Variants in CUX2 observed in about 807,000 individuals in gnomAD.
CUX2 encodes the protein homeobox protein cut-like 2.
In CUX2, 40 loss-of-function variants were observed where a neutral mutation model predicts 144.8. That is an observed-to-expected ratio of 0.28 (90% CI 0.21 to 0.36). The LOEUF is 0.36. Among genes scored for constraint, CUX2 ranks in the 10% least tolerant of loss-of-function variants. The probability of loss-of-function intolerance (pLI) is 1.00; values close to 1 mark genes in which losing one functional copy is unlikely to be tolerated. For missense variants in CUX2, 1,615 were observed against 1,994.0 expected (o/e 0.81, Z 3.62); for synonymous variants, 827 against 875.6 (o/e 0.94, Z 0.98).
chr12:111,208,049 T>G (rs1053299280), intron 1 of CUX2, among the ~76,000 whole-genome samples: 4 of 151,788 alleles, frequency 2.6e-5, no homozygotes, highest in East Asian at 3.9e-4. Flanking sequence ...GAAGGGGAAG[T>G]GGGAGGGACC....
intron 4 of CUX2, among the ~76,000 whole-genome samples, chr12:111,268,596 G>C (rs1239911397): frequency 6.6e-6 from 1 of 152,254 alleles, no homozygotes; most frequent in African/African-American, 2.4e-5. Context: ...TGGCACAGCT[G>C]CAGGCTGTGG....
chr12:111,349,569 A>G lies in CUX2; in HGVS notation c.*1244A>G, dbSNP rs1220911802. ...TCTGGAAGGCCAAGTTCATCGCAGC[A>G]TGTTCACCATATCCCAGCCTCCAAA... On this transcript the variant is annotated 3_prime_UTR_variant, in exon 22 of 22. Transcript: ENST00000261726. The G allele has an allele frequency of 6.6e-6, 1 of 152,232 alleles. No homozygotes were observed. Among genetic ancestry groups the G allele is most frequent in the Admixed American group, 6.5e-5 (1 of 15,278 alleles). The allele number at this position is 152,232 out of a possible 1,614,324, so 9.4% of individuals were successfully genotyped here.
In CUX2 at chr12:111,249,471, G is replaced by T. The variant is rs1235354683; in HGVS notation, c.223-14290G>T. ...TTTTTTTTTTTTTTTTTTTAGTGGG[G>T]TTGGAGACAGAGTCTCACTCTATTG... is the stretch of plus-strand genomic sequence containing the variant. On this transcript the variant is annotated intron_variant, in intron 3 of 21. Coordinates refer to ENST00000261726, the MANE Select transcript of CUX2 (RefSeq NM_015267.4). 7.1e-4 allele frequency among the ~76,000 whole-genome samples: 90 copies of T among 127,150 alleles called. 1 individual carries two copies. The highest frequency in any genetic ancestry group is 2.6e-3 in the African/African-American group (85 of 32,080). 83.4% of individuals were successfully genotyped at this position (127,150 alleles called of 152,430 possible). A position where few individuals can be genotyped will look rare whatever the true frequency, so the allele number is the denominator to read the frequency against.
chr12:111,145,086 A>G (rs1049945090), intron 1 of CUX2, among the ~76,000 whole-genome samples: 6 of 152,194 alleles, frequency 3.9e-5, no homozygotes, highest in Non-Finnish European at 5.9e-5. Context: ...CTTCTGAGCC[A>G]TAAGCATTGA....
chr12:111,322,321 CAAA>C lies in CUX2; in HGVS notation c.2767-79_2767-77del, dbSNP rs147389725. ...CGACAGACAAAGCGAGACTCTGCCT[CAAA>C]AAAAAAAAAAAAAAAAAAAAGGTTG... On this transcript the variant is annotated intron_variant, in intron 17 of 21. Transcript: ENST00000261726. This position sits in a 1 kb window ranked among gnomAD's most constrained non-coding sequence, Gnocchi z 4.2. 34,238 of 744,248 alleles carry C rather than the reference CAAA, an allele frequency of 0.046. 34 individuals carry two copies. The highest frequency in any genetic ancestry group is 0.096 in the East Asian group (2,910 of 30,330). 46.1% of individuals were successfully genotyped at this position (744,248 alleles called of 1,614,324 possible). A position where few individuals can be genotyped will look rare whatever the true frequency, so the allele number is the denominator to read the frequency against.
At chr12:111,106,799 G>A (rs1426811391) in intron 1 of CUX2, among the ~76,000 whole-genome samples, 1 of 152,204 alleles carries the variant, frequency 6.6e-6, no homozygotes, top group Non-Finnish European at 1.5e-5. Context: ...ACAAAGGCAG[G>A]GAGGCATAGA....
At chr12:111,036,033 CTAA>C (rs928659815) in intron 1 of CUX2, among the ~76,000 whole-genome samples, 1 of 152,170 alleles carries the variant, frequency 6.6e-6, no homozygotes, top group Non-Finnish European at 1.5e-5. Context: ...GTATTCCCTG[CTAA>C]TGTTTGTAAA....
chr12:111,214,186 T>C lies in CUX2; in HGVS notation c.64-14T>C. The C allele has an allele frequency of 6.9e-7, 1 of 1,440,546 alleles. No individual in the cohort carries two copies. The highest frequency in any genetic ancestry group is 2.4e-5 in the Admixed American group (1 of 41,564). 89.2% of individuals were successfully genotyped at this position (1,440,546 alleles called of 1,614,324 possible). A position where few individuals can be genotyped will look rare whatever the true frequency, so the allele number is the denominator to read the frequency against. ...TTCTCTCTCTCTCTTTTTTTTTTTT[T>C]TTTATTGTTCCAGAAGGAGCTTAAT... On this transcript the variant is annotated splice_polypyrimidine_tract_variant and intron_variant, in intron 1 of 21. Coordinates refer to ENST00000261726, the MANE Select transcript of CUX2 (RefSeq NM_015267.4).
At position 111,289,183 on chromosome 12, in the gene CUX2, C is replaced by T. The variant is rs973699431; in HGVS notation, c.302-2235C>T. ...GAGAGACCAGGAAGAGACAGGGCTTCCATGCATTAGAAAGAACTGAACCAG... is the reference window on the plus strand; with the variant it reads ...GAGAGACCAGGAAGAGACAGGGCTTTCATGCATTAGAAAGAACTGAACCAG... On this transcript the variant is annotated intron_variant, in intron 4 of 21. Coordinates refer to ENST00000261726, the MANE Select transcript of CUX2 (RefSeq NM_015267.4). This position sits in a 1 kb window ranked among gnomAD's most constrained non-coding sequence, Gnocchi z 4.1. Among the ~76,000 whole-genome samples the T allele has an allele frequency of 6.6e-6, 1 of 152,180 alleles. No homozygotes were observed. Among genetic ancestry groups the T allele is most frequent in the African/African-American group, 2.4e-5 (1 of 41,542 alleles).
intron 1 of CUX2, among the ~76,000 whole-genome samples, chr12:111,173,275 G>C (rs546445111): frequency 9.8e-5 from 15 of 152,332 alleles, no homozygotes; most frequent in Admixed American, 2.0e-4. Context: ...ATTGGCTCCT[G>C]ACTTGACCAG....
At chr12:111,327,044 G>T (rs549025094) in intron 18 of CUX2, among the ~76,000 whole-genome samples, 1 of 151,908 alleles carries the variant, frequency 6.6e-6, no homozygotes, top group Non-Finnish European at 1.5e-5. Flanking sequence ...TATTCCCACC[G>T]CCCCAAAAAG....
At chr12:111,086,566 G>A (rs1448594824) in intron 1 of CUX2, among the ~76,000 whole-genome samples, 1 of 152,196 alleles carries the variant, frequency 6.6e-6, no homozygotes, top group Non-Finnish European at 1.5e-5. Flanking sequence ...ACAGAGCTGG[G>A]TGCAGACAGG....
At chr12:111,298,321 G>T (rs974467697) in intron 8 of CUX2, among the ~76,000 whole-genome samples, 2 of 152,204 alleles carry the variant, frequency 1.3e-5, no homozygotes, top group Admixed American at 6.5e-5. Context: ...AGTGGCCCCT[G>T]GGGGAGAGGG....
At chr12:111,128,400 A>T (rs1428201471) in intron 1 of CUX2, among the ~76,000 whole-genome samples, 1 of 152,184 alleles carries the variant, frequency 6.6e-6, no homozygotes, top group African/African-American at 2.4e-5. Context: ...TATCATAGGG[A>T]ATTCCCCATG....
chr12:111,199,332 T>C (rs1044681248), intron 1 of CUX2, among the ~76,000 whole-genome samples: 61 of 152,210 alleles, frequency 4.0e-4, no homozygotes, highest in Non-Finnish European at 6.3e-4. Flanking sequence ...ATCTGCATTC[T>C]GTACTTCAGT....
chr12:111,170,847 G>T (rs1450375637), intron 1 of CUX2, among the ~76,000 whole-genome samples: 1 of 152,062 alleles, frequency 6.6e-6, no homozygotes, highest in East Asian at 1.9e-4. Flanking sequence ...CTGACCTCGG[G>T]CCCAGCGTGG....
Position 111,263,739 on chromosome 12 carries a change from CTT to C in CUX2, c.223-20_223-19del. ...ACAGATGCCATGGTTACACGTGACT[CTT>C]TCTCTTGTTGTCTCCAAAGGTGGTG... is the stretch of plus-strand genomic sequence containing the variant. On this transcript the variant is annotated intron_variant, in intron 3 of 21. Coordinates refer to ENST00000261726, the MANE Select transcript of CUX2 (RefSeq NM_015267.4). The surrounding 1 kb of genome is among the most constrained non-coding windows in gnomAD (Gnocchi z 4.0). 1 of 1,601,422 alleles carries C rather than the reference CTT, an allele frequency of 6.2e-7. No individual in the cohort carries two copies. The highest frequency in any genetic ancestry group is 8.6e-7 in the Non-Finnish European group (1 of 1,168,832).
At position 111,316,728 on chromosome 12, in the gene CUX2, A is replaced by C. The variant is rs569594738; in HGVS notation, c.2003-3284A>C. Reference sequence around the variant, plus strand: ...GTCTCCCAAAGTGCTGGGATTACAGACGTGAACCACCACGCCCGGCCAAAA... The same window carrying C: ...GTCTCCCAAAGTGCTGGGATTACAGCCGTGAACCACCACGCCCGGCCAAAA... On this transcript the variant is annotated intron_variant, in intron 16 of 21. Transcript: ENST00000261726. Among the ~76,000 whole-genome samples, 3 of 151,548 alleles carry C rather than the reference A, an allele frequency of 2.0e-5. No homozygotes were observed. The East Asian group carries it at 5.8e-4, about 29-fold the overall frequency.
chr12:111,087,052 A>G (rs957909330), intron 1 of CUX2, among the ~76,000 whole-genome samples: 7 of 152,302 alleles, frequency 4.6e-5, no homozygotes, highest in Admixed American at 1.3e-4. Context: ...TACCGTAACA[A>G]GGGACTTACT....
Sources: gnomAD v4.1 joint callset for allele counts (sites outside exome capture counted in the v4.1 genomes callset) on GRCh38, gnomAD v4.1.1 for gene constraint, Gnocchi (gnomAD v3.1) non-coding constraint, MANE v1.5 for transcripts, NCBI Gene and HGNC (gene_info 2026-07-23, HGNC 2026-07-21) for gene names.